The following SLC16A7 variants were observed in gnomAD, a reference collection of about 807,000 sequenced individuals.
The protein encoded by SLC16A7 is solute carrier family 16 member 7.
SLC16A7 carries 33 observed loss-of-function variants against 34.9 expected under a neutral mutation model. That is an observed-to-expected ratio of 0.94 (90% CI 0.72 to 1.26). The LOEUF is 1.26. Among genes scored for constraint, SLC16A7 ranks in the 50% most tolerant of loss-of-function variants. The pLI is 0.00. For synonymous variants in SLC16A7, 201 were observed against 206.6 expected (o/e 0.97, Z 0.23); for missense variants, 573 against 578.1 (o/e 0.99, Z 0.09).
At chr12:59,666,556 G>T (rs1326885176) in intron 2 of SLC16A7, among the ~76,000 whole-genome samples, 1 of 152,130 alleles carries the variant, frequency 6.6e-6, no homozygotes, top group African/African-American at 2.4e-5. Context: ...TCATGAGGGT[G>T]AGTTTTTCCC....
rs1264907528 is a variant in SLC16A7, at chr12:59,789,263, G to A, written c.*9584G>A. On this transcript the variant is annotated 3_prime_UTR_variant, in exon 6 of 6. Coordinates refer to ENST00000547379, the MANE Select transcript of SLC16A7 (RefSeq NM_001270623.2). Reference sequence around the variant, plus strand: ...CAGTATTCTACGATGCAGGCTGAATGTATATTACAGTAATTCTCTGGCTAA... The same window carrying A: ...CAGTATTCTACGATGCAGGCTGAATATATATTACAGTAATTCTCTGGCTAA... 1 of 152,078 alleles carries A rather than the reference G, an allele frequency of 6.6e-6. No individual in the cohort carries two copies. The highest frequency in any genetic ancestry group is 1.5e-5 in the Non-Finnish European group (1 of 67,974). The allele number at this position is 152,078 out of a possible 1,614,324, so 9.4% of individuals were successfully genotyped here.
chr12:59,779,354 T>G, intron 5 of SLC16A7, 69 bp from the exon 6 acceptor site: 1 of 1,181,824 alleles, frequency 8.5e-7, no homozygotes, highest in Non-Finnish European at 1.2e-6. Flanking sequence ...GAAGAATAAT[T>G]TATTTGAATT....
At chr12:59,620,129 G>A (rs1321118601) in intron 1 of SLC16A7, among the ~76,000 whole-genome samples, 2 of 151,782 alleles carry the variant, frequency 1.3e-5, no homozygotes, top group Non-Finnish European at 2.9e-5. Context: ...TGTTGATACT[G>A]TGTGGTTTTT....
intron 1 of SLC16A7, among the ~76,000 whole-genome samples, chr12:59,653,621 G>A (rs1302778979): frequency 6.6e-6 from 1 of 151,506 alleles, no homozygotes; most frequent in African/African-American, 2.4e-5. Flanking sequence ...TTTAATTATT[G>A]TTTTAAGGAG....
chr12:59,723,439 GA>G (rs1272061899), intron 3 of SLC16A7, among the ~76,000 whole-genome samples: 3 of 151,910 alleles, frequency 2.0e-5, no homozygotes, highest in Admixed American at 6.6e-5. Context: ...GGAATAAAGA[GA>G]AGTAAAATTT....
At chr12:59,633,743 A>G (rs888724619) in intron 1 of SLC16A7, among the ~76,000 whole-genome samples, 9 of 152,022 alleles carry the variant, frequency 5.9e-5, no homozygotes, top group African/African-American at 2.2e-4. Flanking sequence ...GAAGCAAAGC[A>G]CATATTCCAT....
intron 1 of SLC16A7, among the ~76,000 whole-genome samples, chr12:59,618,530 A>C (rs1016171476): frequency 2.0e-5 from 3 of 151,896 alleles, no homozygotes; most frequent in Non-Finnish European, 4.4e-5. Flanking sequence ...AATAGCTGGA[A>C]TTTTCCTTCC....
chr12:59,667,681 G>A (rs1295322783), intron 2 of SLC16A7, among the ~76,000 whole-genome samples: 2 of 152,204 alleles, frequency 1.3e-5, no homozygotes, highest in African/African-American at 2.4e-5. Context: ...TTTCTGGGGA[G>A]AAGTTCAAGC....
intron 3 of SLC16A7, among the ~76,000 whole-genome samples, chr12:59,737,031 T>C (rs1298019476): frequency 6.6e-6 from 1 of 152,228 alleles, no homozygotes; most frequent in African/African-American, 2.4e-5. Context: ...TTGCATGTTG[T>C]TCCACAGCTT....
intron 2 of SLC16A7, among the ~76,000 whole-genome samples, chr12:59,672,731 C>T (rs1299568895): frequency 1.3e-5 from 2 of 152,094 alleles, no homozygotes; most frequent in Non-Finnish European, 2.9e-5. Context: ...CTTTGGCTGA[C>T]TTTGGACTAA....
Position 59,630,925 on chromosome 12 carries a change from G to A in SLC16A7, c.-129-24227G>A, listed in dbSNP as rs147494228. On this transcript the variant is annotated intron_variant, in intron 1 of 5. Transcript: ENST00000547379. The stretch of plus-strand genomic sequence containing the variant: ...TACATTAGATTTGTTTCAAGGACAA[G>A]TAACTGAAAAATTTGCTGCATATGT... 1.1e-4 allele frequency among the ~76,000 whole-genome samples: 17 copies of A among 151,996 alleles called. No individual in the cohort carries two copies. In the East Asian group the frequency reaches 1.6e-3, roughly 14 times the overall value.
At chr12:59,705,071 G>T in intron 3 of SLC16A7, 53 bp downstream of exon 3, 1 of 1,264,598 alleles carries the variant, frequency 7.9e-7, no homozygotes, top group African/African-American at 1.5e-5. Flanking sequence ...ATTCCTCCAT[G>T]TCACAATGTT....
intron 3 of SLC16A7, among the ~76,000 whole-genome samples, chr12:59,718,345 G>A (rs761319564): frequency 3.3e-5 from 5 of 151,988 alleles, no homozygotes; most frequent in Non-Finnish European, 5.9e-5. Flanking sequence ...ATAACTCATC[G>A]TTTTTACTAA....
At position 59,786,709 on chromosome 12, in the gene SLC16A7, G is replaced by A. The variant is rs1000779164; in HGVS notation, c.*7030G>A. 1 of 152,086 alleles carries A rather than the reference G, an allele frequency of 6.6e-6. No individual in the cohort carries two copies. Among genetic ancestry groups the A allele is most frequent in the Non-Finnish European group, 1.5e-5 (1 of 67,992 alleles). 9.4% of individuals were successfully genotyped at this position (152,086 alleles called of 1,614,324 possible). On this transcript the variant is annotated 3_prime_UTR_variant, in exon 6 of 6. Coordinates refer to ENST00000547379, the MANE Select transcript of SLC16A7 (RefSeq NM_001270623.2). ...ATTTTTACCATATAAAACTAGACTG[G>A]ATTAAGGATTTTGCCTAAACCTATA...
intron 3 of SLC16A7, among the ~76,000 whole-genome samples, chr12:59,754,824 A>G (rs1880094830): frequency 6.6e-6 from 1 of 152,202 alleles, no homozygotes; most frequent in Non-Finnish European, 1.5e-5. Context: ...TTTTAGACCA[A>G]TATCCTTGAT....
intron 2 of SLC16A7, among the ~76,000 whole-genome samples, chr12:59,680,441 TGAGAAGGAGGCAGATAGGA>T (rs2137071702): frequency 6.6e-6 from 1 of 152,330 alleles, no homozygotes; most frequent in East Asian, 1.9e-4. Flanking sequence ...TGTTCTGGAT[TGAGAAGGAGGCAGATAGGA>T]GAGAAGGAGG....
intron 2 of SLC16A7, among the ~76,000 whole-genome samples, chr12:59,683,804 C>T (rs1462082804): frequency 6.6e-6 from 1 of 151,964 alleles, no homozygotes. Flanking sequence ...TATGAGAACC[C>T]ACATATGTTG....
intron 3 of SLC16A7, among the ~76,000 whole-genome samples, chr12:59,747,975 G>A (rs1346960387): frequency 6.6e-6 from 1 of 152,102 alleles, no homozygotes; most frequent in East Asian, 1.9e-4. Context: ...GGCCGAGGAG[G>A]GCAGATCACC....
At chr12:59,776,348 G>GGTTTAAAGT (rs1882757263) in intron 5 of SLC16A7, among the ~76,000 whole-genome samples, 1 of 152,156 alleles carries the variant, frequency 6.6e-6, no homozygotes, top group African/African-American at 2.4e-5. Flanking sequence ...TATGCCTTCT[G>GGTTTAAAGT]AACTTATGGT....
Sources: gnomAD v4.1 joint callset for allele counts (sites outside exome capture counted in the v4.1 genomes callset) on GRCh38, gnomAD v4.1.1 for gene constraint, MANE v1.5 for transcripts, NCBI Gene and HGNC (gene_info 2026-07-23, HGNC 2026-07-21) for gene names.